The following STK32B variants were observed in gnomAD, a reference collection of about 807,000 sequenced individuals.
STK32B encodes serine/threonine-protein kinase 32B.
A neutral mutation model predicts 52.6 loss-of-function variants in STK32B; 43 were observed. The observed-to-expected ratio is 0.82, with a 90% confidence interval of 0.64 to 1.05. STK32B has a LOEUF of 1.05. Ranked by LOEUF, STK32B falls within the 50% of genes least tolerant of loss-of-function variation. The pLI is 0.00. For synonymous variants in STK32B, 238 were observed against 204.3 expected (o/e 1.17, Z -1.41); for missense variants, 621 against 534.6 (o/e 1.16, Z -1.59).
chr4:5,126,527 G>A (rs901156476), intron 1 of STK32B, among the ~76,000 whole-genome samples: 2 of 152,206 alleles, frequency 1.3e-5, no homozygotes, highest in African/African-American at 2.4e-5. Flanking sequence ...GTGCTGCCTG[G>A]GCATCTTCCC....
At chr4:5,079,534 A>G (rs375656764) in intron 1 of STK32B, among the ~76,000 whole-genome samples, 3 of 152,248 alleles carry the variant, frequency 2.0e-5, no homozygotes, top group East Asian at 1.9e-4. Flanking sequence ...AGAGTTAGAA[A>G]ATTTTCATAC....
At chr4:5,369,839 A>C (rs757269363) in intron 4 of STK32B, among the ~76,000 whole-genome samples, 24 of 152,130 alleles carry the variant, frequency 1.6e-4, no homozygotes, top group African/African-American at 5.5e-4. Context: ...AAGAGTAATC[A>C]TCAAGGTAGC....
intron 11 of STK32B, among the ~76,000 whole-genome samples, chr4:5,468,923 A>G (rs79229571): frequency 6.6e-6 from 1 of 151,918 alleles, no homozygotes. Flanking sequence ...AGTGGCGGGC[A>G]CCTGTAGTCC....
chr4:5,164,514 C>T (rs1377720657), intron 2 of STK32B, among the ~76,000 whole-genome samples: 1 of 152,246 alleles, frequency 6.6e-6, no homozygotes, highest in Non-Finnish European at 1.5e-5. Context: ...GCTGCTATCA[C>T]ACATGCCGCA....
intron 3 of STK32B, among the ~76,000 whole-genome samples, chr4:5,324,402 G>C (rs1261336814): frequency 6.6e-6 from 1 of 152,126 alleles, no homozygotes; most frequent in Non-Finnish European, 1.5e-5. Flanking sequence ...GTCTGGCACA[G>C]AATTTGCACC....
chr4:5,449,666 C>T (rs1243996603), intron 7 of STK32B, among the ~76,000 whole-genome samples: 1 of 152,104 alleles, frequency 6.6e-6, no homozygotes, highest in Non-Finnish European at 1.5e-5. Context: ...GGGAAGCTTC[C>T]TCTGTATTTA....
At chr4:5,450,457 G>A (rs191562539) in intron 7 of STK32B, among the ~76,000 whole-genome samples, 5 of 152,252 alleles carry the variant, frequency 3.3e-5, no homozygotes, top group South Asian at 2.1e-4. Context: ...TCCAGGGAGC[G>A]TTGTACCTCC....
intron 4 of STK32B, among the ~76,000 whole-genome samples, chr4:5,338,606 C>T (rs10008761): frequency 0.02 from 2,996 of 152,236 alleles, 36 homozygotes; most frequent in South Asian, 0.06. Flanking sequence ...AGATAAATGC[C>T]GATGTTCCAG....
chr4:5,136,269 G>C (rs1017932339), intron 1 of STK32B, among the ~76,000 whole-genome samples: 2 of 152,240 alleles, frequency 1.3e-5, no homozygotes, highest in Non-Finnish European at 2.9e-5. Flanking sequence ...TGCCTGGCAA[G>C]GCAGGTGCCA....
chr4:5,023,134 G>A, the STK32B span, among the ~76,000 whole-genome samples: 1 of 152,108 alleles, frequency 6.6e-6, no homozygotes, highest in African/African-American at 2.4e-5. Context: ...AGGAATTCAG[G>A]AGGCCTCTAG....
chr4:5,116,377 A>C (rs2108806709), intron 1 of STK32B, among the ~76,000 whole-genome samples: 1 of 152,344 alleles, frequency 6.6e-6, no homozygotes, highest in Non-Finnish European at 1.5e-5. Context: ...ATTTTTTAAT[A>C]GAAAAGTAAA....
chr4:5,439,959 C>G (rs918587233), intron 6 of STK32B, among the ~76,000 whole-genome samples: 8 of 152,136 alleles, frequency 5.3e-5, no homozygotes, highest in African/African-American at 1.7e-4. Flanking sequence ...TTCCATTGAT[C>G]TATATCTCTG....
intron 3 of STK32B, among the ~76,000 whole-genome samples, chr4:5,246,686 T>A (rs1037467566): frequency 1.1e-4 from 17 of 152,206 alleles, no homozygotes; most frequent in Non-Finnish European, 2.4e-4. Context: ...GCTCTGTGTC[T>A]TCCCTATCTT....
chr4:5,295,048 T>C lies in STK32B; in HGVS notation c.261-36172T>C, dbSNP rs557186919. On this transcript the variant is annotated intron_variant, in intron 3 of 11. Coordinates refer to ENST00000282908, the MANE Select transcript of STK32B (RefSeq NM_018401.3). The stretch of plus-strand genomic sequence containing the variant: ...TGAGATAGTCATGTGGTTTTTGTCA[T>C]TGGCTATGTTTATGTGATGGATTAC... Among the ~76,000 whole-genome samples the C allele has an allele frequency of 9.2e-5, 14 of 152,334 alleles. 1 individual carries two copies. Among genetic ancestry groups the C allele is most frequent in the South Asian group, 6.2e-4 (3 of 4,828 alleles).
At chr4:5,140,361 A>G (rs780406564) in intron 2 of STK32B, 38 of 1,160,440 alleles carry the variant, frequency 3.3e-5, no homozygotes, top group Non-Finnish European at 4.1e-5. Flanking sequence ...ATAGAAGGCT[A>G]GGAGAAGATG....
intron 3 of STK32B, among the ~76,000 whole-genome samples, chr4:5,292,870 C>G (rs1441700597): frequency 6.6e-6 from 1 of 151,916 alleles, no homozygotes; most frequent in Non-Finnish European, 1.5e-5. Context: ...GTTTGCTGCA[C>G]CCATCAACCT....
Position 5,332,845 on chromosome 4 carries a change from A to G in STK32B, c.434+1452A>G, listed in dbSNP as rs186250912. 3.4e-3 allele frequency among the ~76,000 whole-genome samples: 524 copies of G among 152,306 alleles called. 2 individuals carry two copies. Among genetic ancestry groups the G allele is most frequent in the Non-Finnish European group, 5.7e-3 (391 of 68,034 alleles). On this transcript the variant is annotated intron_variant, in intron 4 of 11. Transcript: ENST00000282908. ...TGAACTCATCATTTTTTATGGCTGC[A>G]TAGTATTCCATGGTGTATATGTGCC...
At chr4:5,070,796 G>A (rs1444914827) in intron 1 of STK32B, among the ~76,000 whole-genome samples, 1 of 152,096 alleles carries the variant, frequency 6.6e-6, no homozygotes, top group Non-Finnish European at 1.5e-5. Flanking sequence ...AGCCTTTTAG[G>A]GCCATCAGTG....
At chr4:5,090,537 G>T (rs1303785955) in intron 1 of STK32B, among the ~76,000 whole-genome samples, 1 of 151,836 alleles carries the variant, frequency 6.6e-6, no homozygotes, top group Admixed American at 6.6e-5. Context: ...CTAATTTTTT[G>T]TATTTTTAGT....
Sources: allele counts gnomAD v4.1 joint callset (sites outside exome capture counted in the v4.1 genomes callset), GRCh38; gene constraint gnomAD v4.1.1; transcripts MANE v1.5; gene names NCBI Gene and HGNC (gene_info 2026-07-23, HGNC 2026-07-21).